PCDHGA4: variants seen among roughly 807,000 people sequenced by gnomAD.
The protein encoded by PCDHGA4 is protocadherin gamma subfamily A, 4.
A neutral mutation model predicts 54.6 loss-of-function variants in PCDHGA4; 38 were observed. The observed-to-expected ratio is 0.70, with a 90% CI of 0.54 to 0.91. The LOEUF is 0.91. PCDHGA4 is among the 40% of genes least tolerant of loss of function. PCDHGA4 has a pLI of 0.00. For missense variants in PCDHGA4, 1,298 were observed against 1,220.9 expected, an observed-to-expected ratio of 1.06 and a Z score of -0.94; for synonymous variants, 511 against 512.9, an observed-to-expected ratio of 1.00 and a Z score of 0.05.
Position 141,477,099 on chromosome 5 carries a change from G to C in PCDHGA4, c.2515-17708G>C. On this transcript the variant is annotated intron_variant, in intron 1 of 3. Transcript: ENST00000571252. This position sits in a 1 kb window ranked among gnomAD's most constrained non-coding sequence, Gnocchi z 4.9. ...ATTTACATCCAGGCCAAAGACAAGG[G>C]CGCCAATCCCGAAGGAGCACATTGC... 6.2e-7 allele frequency: 1 copy of C among 1,614,256 alleles called. No individual in the cohort carries two copies. Among genetic ancestry groups the C allele is most frequent in the Non-Finnish European group, 8.5e-7 (1 of 1,180,054 alleles).
At chr5:141,361,539 C>T (rs754978831) in intron 1 of PCDHGA4, 2 of 1,614,028 alleles carry the variant, frequency 1.2e-6, no homozygotes, top group South Asian at 1.1e-5. Context: ...ATCCTCCTGG[C>T]GCCTCTATCG....
At chr5:141,453,093 C>A (rs1408495535) in intron 1 of PCDHGA4, among the ~76,000 whole-genome samples, 1 of 151,928 alleles carries the variant, frequency 6.6e-6, no homozygotes, top group African/African-American at 2.4e-5. Context: ...AGTATATTTT[C>A]TGTTGCTTTT....
intron 1 of PCDHGA4, among the ~76,000 whole-genome samples, chr5:141,437,926 T>C (rs1374182368): frequency 2.6e-5 from 4 of 152,058 alleles, no homozygotes; most frequent in Admixed American, 1.3e-4. Context: ...TTAGTAGAGA[T>C]GGGGTTTCAC....
chr5:141,364,224 C>T (rs538812851), intron 1 of PCDHGA4: 29 of 1,356,016 alleles, frequency 2.1e-5, no homozygotes, highest in Admixed American at 6.0e-5. Context: ...GAAAAGCCAA[C>T]GCTCCACGCC....
rs2099696598 is a variant in PCDHGA4, at chr5:141,490,144, A to C, written c.2515-4663A>C. The C allele has an allele frequency of 2.5e-6, 4 of 1,614,214 alleles. No homozygotes were observed. In the East Asian group the frequency reaches 6.7e-5, roughly 27 times the overall value. ...TGGCCTAGACCCTAGCAGTGGGGCA[A>C]TCCATGTGTTGGGTCCCATAGACTT... On this transcript the variant is annotated intron_variant, in intron 1 of 3. Transcript: ENST00000571252. The surrounding 1 kb of genome is among the most constrained non-coding windows in gnomAD (Gnocchi z 5.4).
chr5:141,371,790 C>A, intron 1 of PCDHGA4: 1 of 1,613,956 alleles, frequency 6.2e-7, no homozygotes, highest in Middle Eastern at 1.6e-4. Flanking sequence ...TGAGAACAAT[C>A]CGCCTGGAGC....
Position 141,490,270 on chromosome 5 carries a change from A to G in PCDHGA4, c.2515-4537A>G. On this transcript the variant is annotated intron_variant, in intron 1 of 3. Coordinates refer to ENST00000571252, the MANE Select transcript of PCDHGA4 (RefSeq NM_018917.4). The surrounding 1 kb of genome is among the most constrained non-coding windows in gnomAD (Gnocchi z 5.4). The stretch of plus-strand genomic sequence containing the variant: ...GATTCAAGTGGATGTGGGGGATGTC[A>G]ATGACAATGCCCCAGAGGTGCTATT... The G allele has an allele frequency of 6.2e-7, 1 of 1,614,226 alleles. No individual in the cohort carries two copies. Among genetic ancestry groups the G allele is most frequent in the African/African-American group, 1.3e-5 (1 of 75,060 alleles).
chr5:141,500,461 G>A (rs1343646600), intron 2 of PCDHGA4, among the ~76,000 whole-genome samples: 1 of 151,910 alleles, frequency 6.6e-6, no homozygotes, highest in Non-Finnish European at 1.5e-5. Flanking sequence ...CGCCCGCCTC[G>A]GCCTCCCAAA....
intron 1 of PCDHGA4, chr5:141,383,684 T>A: frequency 4.3e-6 from 7 of 1,614,014 alleles, no homozygotes; most frequent in Non-Finnish European, 5.9e-6. Context: ...ACAAGACTGC[T>A]CACGGTACAT....
intron 1 of PCDHGA4, chr5:141,399,007 A>G (rs1403288140): frequency 6.2e-7 from 1 of 1,613,948 alleles, no homozygotes. Flanking sequence ...GAATTCAAAG[A>G]GCGGAGAAAT....
At chr5:141,481,656 A>G (rs1425280340) in intron 1 of PCDHGA4, among the ~76,000 whole-genome samples, 1 of 152,084 alleles carries the variant, frequency 6.6e-6, no homozygotes, top group Non-Finnish European at 1.5e-5. Context: ...CATCTCTACT[A>G]ATAATACAAA....
chr5:141,440,578 C>T (rs2098188646), intron 1 of PCDHGA4: 1 of 152,138 alleles, frequency 6.6e-6, no homozygotes, highest in Non-Finnish European at 1.5e-5. Flanking sequence ...CTGAGTTTAC[C>T]CAGCTGGAAC....
intron 1 of PCDHGA4, chr5:141,417,573 C>A: frequency 2.7e-6 from 1 of 377,070 alleles, no homozygotes; most frequent in Non-Finnish European, 4.7e-6. Flanking sequence ...AGTCAAGTTG[C>A]AGTCCCACAC....
intron 1 of PCDHGA4, chr5:141,427,900 C>T (rs1351712272): frequency 2.5e-6 from 4 of 1,571,732 alleles, no homozygotes; most frequent in Non-Finnish European, 3.5e-6. Flanking sequence ...GGCTCGCCCG[C>T]GCTCAGCGCC....
chr5:141,399,026 A>C (rs1448827116), intron 1 of PCDHGA4: 1 of 1,613,886 alleles, frequency 6.2e-7, no homozygotes, highest in East Asian at 2.2e-5. Flanking sequence ...ATTACCACTC[A>C]AAAGAAACTG....
intron 1 of PCDHGA4, chr5:141,404,057 T>C (rs558471539): frequency 1.2e-5 from 19 of 1,613,894 alleles, no homozygotes; most frequent in Non-Finnish European, 1.4e-5. Context: ...AATTCTTCTT[T>C]TCAATGCTCA....
chr5:141,477,013 T>C lies in PCDHGA4; in HGVS notation c.2515-17794T>C. ...TGCGGCAACTATTCGCCTTAGACCT[T>C]GTAACCGGGATGCTGACAATCAAGG... On this transcript the variant is annotated intron_variant, in intron 1 of 3. Coordinates refer to ENST00000571252, the MANE Select transcript of PCDHGA4 (RefSeq NM_018917.4). The surrounding 1 kb of genome is among the most constrained non-coding windows in gnomAD (Gnocchi z 4.9). 6.2e-7 allele frequency: 1 copy of C among 1,614,204 alleles called. No homozygotes were observed. The highest frequency in any genetic ancestry group is 8.5e-7 in the Non-Finnish European group (1 of 1,180,028).
At chr5:141,452,511 A>G (rs573632978) in intron 1 of PCDHGA4, among the ~76,000 whole-genome samples, 1 of 152,056 alleles carries the variant, frequency 6.6e-6, no homozygotes, top group South Asian at 2.1e-4. Context: ...TTGTACACAC[A>G]CTCCCTCAAA....
At chr5:141,389,405 G>T (rs758428464) in intron 1 of PCDHGA4, 1 of 1,613,496 alleles carries the variant, frequency 6.2e-7, no homozygotes, top group South Asian at 1.1e-5. Context: ...CCATAAGCGC[G>T]GAGAGCGGGG....
Sources: gnomAD v4.1 joint callset for allele counts (sites outside exome capture counted in the v4.1 genomes callset) on GRCh38, gnomAD v4.1.1 for gene constraint, Gnocchi (gnomAD v3.1) non-coding constraint, MANE v1.5 for transcripts, NCBI Gene and HGNC (gene_info 2026-07-23, HGNC 2026-07-21) for gene names.